The following PARP15 variants were observed in gnomAD, a reference collection of about 807,000 sequenced individuals.
PARP15 encodes the protein protein mono-ADP-ribosyltransferase PARP15.
Under a neutral mutation model 62.1 loss-of-function variants are expected in PARP15, and 50 were observed. That is an observed-to-expected ratio of 0.81 (90% CI 0.64 to 1.02). PARP15 has a LOEUF of 1.02. PARP15 is among the 50% of genes least tolerant of loss of function. PARP15 has a pLI of 0.00. For missense variants in PARP15, 820 were observed against 826.5 expected (o/e 0.99, Z 0.10); for synonymous variants, 309 against 293.1 (o/e 1.05, Z -0.55).
At chr3:122,616,124 C>T (rs2107552876) in intron 5 of PARP15, among the ~76,000 whole-genome samples, 1 of 152,274 alleles carries the variant, frequency 6.6e-6, no homozygotes, top group East Asian at 1.9e-4. Context: ...CTATACTTTA[C>T]TGATTGCTTT....
intron 9 of PARP15, among the ~76,000 whole-genome samples, chr3:122,631,271 C>G (rs1365687526): frequency 6.6e-6 from 1 of 152,204 alleles, no homozygotes; most frequent in African/African-American, 2.4e-5. Context: ...TTGAAAAGAG[C>G]TTACTGATTA....
intron 1 of PARP15, among the ~76,000 whole-genome samples, chr3:122,604,018 G>A (rs1934993022): frequency 6.6e-6 from 1 of 152,180 alleles, no homozygotes; most frequent in South Asian, 2.1e-4. Flanking sequence ...AAAGAATGCT[G>A]ATATGGATTA....
chr3:122,624,160 A>AG (rs1936536543), intron 8 of PARP15, among the ~76,000 whole-genome samples: 1 of 151,996 alleles, frequency 6.6e-6, no homozygotes, highest in South Asian at 2.1e-4. Flanking sequence ...CGGAAAAAAA[A>AG]AAAGAAAGAA....
chr3:122,597,073 A>G (rs992254245), intron 1 of PARP15, among the ~76,000 whole-genome samples: 3 of 152,202 alleles, frequency 2.0e-5, no homozygotes, highest in African/African-American at 7.2e-5. Flanking sequence ...TGGCGATTGG[A>G]AAGTCCAAGA....
In PARP15 at chr3:122,636,069, A is replaced by G. The variant is rs369014376; in HGVS notation, c.2006A>G (p.Tyr669Cys). 5 of 1,612,822 alleles carry G rather than the reference A, an allele frequency of 3.1e-6. No individual in the cohort carries two copies. In the African/African-American group the frequency reaches 5.3e-5, roughly 17 times the overall value. Residue 669 changes from tyrosine to cysteine, a missense_variant, in exon 12 of 12, where the codon TAC becomes TGC. Tyr to Cys is a radical substitution (Grantham distance 194). Around this residue, in one of 3 missense-constraint regions of PARP15, gnomAD observed 84 missense variants for 79.7 expected, o/e 1.05. Transcript: ENST00000464300. ...LFVVFFDNQA[Y>C]PEYLITFTA The stretch of plus-strand genomic sequence containing the variant: ...GTGGTATTCTTTGATAATCAGGCTT[A>G]CCCAGAATATCTCATAACTTTCACG...
chr3:122,582,076 C>T (rs970172038), intron 1 of PARP15, among the ~76,000 whole-genome samples: 4 of 152,176 alleles, frequency 2.6e-5, no homozygotes, highest in Non-Finnish European at 5.9e-5. Context: ...TCTCTGAAAA[C>T]CTTTTAACAT....
chr3:122,577,799 G>C lies in PARP15; in HGVS notation c.132G>C (p.Pro44=), dbSNP rs2080709100. The change falls in exon 1 of 12, where the codon CCG becomes CCC. Residue 44 remains proline, a synonymous_variant. Transcript: ENST00000464300. ...GRDREAGSVL[P]AGNRGARKAS... is the part of the protein sequence containing the mutation. ...ATCGGGAGGCGGGGAGCGTGCTGCC[G>C]GCCGGGAACCGTGGGGCGCGGAAGG... The C allele has an allele frequency of 6.4e-7, 1 of 1,550,980 alleles. No homozygotes were observed. The highest frequency in any genetic ancestry group is 8.7e-7 in the Non-Finnish European group (1 of 1,146,692).
At chr3:122,618,121 G>T (rs891221145) in intron 6 of PARP15, among the ~76,000 whole-genome samples, 20 of 152,148 alleles carry the variant, frequency 1.3e-4, no homozygotes, top group African/African-American at 4.8e-4. Context: ...TTTCTAAGTT[G>T]AAAAATATTA....
chr3:122,580,144 A>G (rs1216103069), intron 1 of PARP15, among the ~76,000 whole-genome samples: 1 of 151,372 alleles, frequency 6.6e-6, no homozygotes, highest in African/African-American at 2.4e-5. Flanking sequence ...CTCTCATTGG[A>G]TAGAGTGTTC....
At chr3:122,603,628 A>G in intron 1 of PARP15, among the ~76,000 whole-genome samples, 1 of 152,202 alleles carries the variant, frequency 6.6e-6, no homozygotes, top group East Asian at 1.9e-4. Flanking sequence ...GGAAAACCAA[A>G]ATGTGACTGA....
At chr3:122,625,251 G>GTT (rs946403692) in intron 8 of PARP15, among the ~76,000 whole-genome samples, 4 of 151,552 alleles carry the variant, frequency 2.6e-5, no homozygotes, top group African/African-American at 9.7e-5. Flanking sequence ...TTCTTTGTTT[G>GTT]TTTTTTTGTT....
chr3:122,635,042 T>C lies in PARP15; in HGVS notation c.1595T>C (p.Phe532Ser), dbSNP rs1057294172. ...IEKIERIQNA[F>S]LWQSYQVKKR... Reference sequence around the variant, plus strand: ...CAGATTGAGAGGATACAGAATGCATTTCTCTGGCAGAGCTACCAGGTAAAG... The same window carrying C: ...CAGATTGAGAGGATACAGAATGCATCTCTCTGGCAGAGCTACCAGGTAAAG... Residue 532 changes from phenylalanine to serine, a missense_variant, in exon 11 of 12, where the codon TTT becomes TCT. Physicochemically the swap from Phe to Ser is radical, Grantham distance 155. Transcript: ENST00000464300. The C allele has an allele frequency of 3.7e-6, 6 of 1,613,994 alleles. No individual in the cohort carries two copies. Among genetic ancestry groups the C allele is most frequent in the Non-Finnish European group, 3.4e-6 (4 of 1,179,940 alleles).
Position 122,638,883 on chromosome 3 carries a change from A to G in PARP15, c.*2783A>G, listed in dbSNP as rs552497676. Reference sequence around the variant, plus strand: ...TGTTCTTATTTTTTCTGTAAACATAATTTTAATGGCAGAGATATTCTGCTT... The same window carrying G: ...TGTTCTTATTTTTTCTGTAAACATAGTTTTAATGGCAGAGATATTCTGCTT... On this transcript the variant is annotated 3_prime_UTR_variant, in exon 12 of 12. Coordinates refer to ENST00000464300, the MANE Select transcript of PARP15 (RefSeq NM_001113523.3). 6.6e-6 allele frequency: 1 copy of G among 152,130 alleles called. No individual in the cohort carries two copies. The highest frequency in any genetic ancestry group is 6.5e-5 in the Admixed American group (1 of 15,274). 9.4% of individuals were successfully genotyped at this position (152,130 alleles called of 1,614,324 possible).
At chr3:122,623,075 A>G (rs1457173413) in intron 8 of PARP15, among the ~76,000 whole-genome samples, 1 of 152,118 alleles carries the variant, frequency 6.6e-6, no homozygotes, top group African/African-American at 2.4e-5. Flanking sequence ...CCACACACCG[A>G]TAACCTTTTG....
At chr3:122,593,232 G>A (rs982581600) in intron 1 of PARP15, among the ~76,000 whole-genome samples, 3 of 152,026 alleles carry the variant, frequency 2.0e-5, no homozygotes, top group African/African-American at 7.3e-5. Flanking sequence ...TTCACCCCCC[G>A]GGTTCAAGCT....
At chr3:122,595,076 G>C (rs1011592918) in intron 1 of PARP15, among the ~76,000 whole-genome samples, 2 of 152,132 alleles carry the variant, frequency 1.3e-5, no homozygotes, top group African/African-American at 4.8e-5. Context: ...AGGTGATAAG[G>C]AAACCCATCA....
chr3:122,613,181 C>G lies in PARP15; in HGVS notation c.684C>G (p.Phe228Leu), dbSNP rs763857788. Residue 228 changes from phenylalanine (F) to leucine (L), a missense_variant, in exon 4 of 12, where the codon TTC becomes TTG. Transcript: ENST00000464300. ...CTAAACTAATCCTTTCAGAAGTGTT[C>G]GAATACAGTAGCAGCACAAGGCCGA... ...VFAKLILSEVFEYSSSTRPIT... is the reference protein window; with the variant it reads ...VFAKLILSEVLEYSSSTRPIT... 7 of 1,551,672 alleles carry G rather than the reference C, an allele frequency of 4.5e-6. No individual in the cohort carries two copies. In the Middle Eastern group the frequency reaches 6.7e-4, roughly 148 times the overall value.
chr3:122,615,059 AAAG>A (rs1424692273), intron 4 of PARP15: 10 of 975,194 alleles, frequency 1.0e-5, no homozygotes, highest in Middle Eastern at 5.2e-4. Flanking sequence ...AAAGAAAAGA[AAAG>A]AAAGAAAGAA....
chr3:122,623,949 C>T (rs573915705), intron 8 of PARP15, among the ~76,000 whole-genome samples: 28 of 152,144 alleles, frequency 1.8e-4, no homozygotes, highest in East Asian at 1.2e-3. Context: ...GTCAGGAGTT[C>T]GAGACCAGCC....
Sources: allele counts gnomAD v4.1 joint callset (sites outside exome capture counted in the v4.1 genomes callset), GRCh38; gene constraint gnomAD v4.1.1; regional missense constraint gnomAD v4.1.1; transcripts MANE v1.5; gene names NCBI Gene and HGNC (gene_info 2026-07-23, HGNC 2026-07-21).